Variants in ZC3H7B observed in about 807,000 individuals in gnomAD.
ZC3H7B encodes zinc finger CCCH-type containing 7B, also known as zinc finger CCCH domain-containing protein 7B.
Under a neutral mutation model 116.0 loss-of-function variants are expected in ZC3H7B, and 35 were observed. The observed-to-expected ratio is 0.30, with a 90% CI of 0.23 to 0.40. The LOEUF (loss-of-function observed/expected upper bound fraction) is 0.40, where lower values mean the gene tolerates loss of function less well. Among genes scored for constraint, ZC3H7B ranks in the 10% least tolerant of loss-of-function variants. The probability of loss-of-function intolerance (pLI) is 1.00; values close to 1 mark genes in which losing one functional copy is unlikely to be tolerated. For synonymous variants in ZC3H7B, 502 were observed against 545.6 expected, an observed-to-expected ratio of 0.92 and a Z score of 1.11; for missense variants, 1,011 against 1,321.5, an observed-to-expected ratio of 0.77 and a Z score of 3.64.
chr22:41,303,261 T>C (rs1011714645), intron 1 of ZC3H7B, among the ~76,000 whole-genome samples: 1 of 151,850 alleles, frequency 6.6e-6, no homozygotes, highest in Non-Finnish European at 1.5e-5. Flanking sequence ...CCAGGAGGGA[T>C]GAGATCTGAG....
intron 11 of ZC3H7B, 116 bp from the exon 12 acceptor site, chr22:41,342,413 G>A (rs1350386849): frequency 2.2e-6 from 2 of 893,574 alleles, no homozygotes; most frequent in Non-Finnish European, 3.5e-6. Context: ...CTGTGGTTTT[G>A]CTCTTGGGTA....
intron 1 of ZC3H7B, among the ~76,000 whole-genome samples, chr22:41,319,056 G>A (rs1388920307): frequency 6.6e-6 from 1 of 152,062 alleles, no homozygotes; most frequent in Non-Finnish European, 1.5e-5. Context: ...ATCACTTGAG[G>A]TCAGGCGTTT....
Position 41,302,210 on chromosome 22 carries a change from G to GC in ZC3H7B, c.-7+444dup, listed in dbSNP as rs1299058133. Among the ~76,000 whole-genome samples, 1 of 151,952 alleles carries GC rather than the reference G, an allele frequency of 6.6e-6. No individual in the cohort carries two copies. Among genetic ancestry groups the GC allele is most frequent in the African/African-American group, 2.4e-5 (1 of 41,412 alleles). Reference sequence around the variant, plus strand: ...GGCTGGCAGGGGCGTCGCTGGCAGGGCCCCCCTTCCTTTTGTGTTGTCCTT... The same window carrying GC: ...GGCTGGCAGGGGCGTCGCTGGCAGGGCCCCCCCTTCCTTTTGTGTTGTCCTT... On this transcript the variant is annotated intron_variant, in intron 1 of 22. Transcript: ENST00000352645. This position sits in a 1 kb window ranked among gnomAD's most constrained non-coding sequence, Gnocchi z 5.7.
At position 41,327,422 on chromosome 22, in the gene ZC3H7B, C is replaced by T; in HGVS notation, c.444+58C>T. On this transcript the variant is annotated intron_variant, in intron 5 of 22. Coordinates refer to ENST00000352645, the MANE Select transcript of ZC3H7B (RefSeq NM_017590.6). This position sits in a 1 kb window ranked among gnomAD's most constrained non-coding sequence, Gnocchi z 4.5. ...GCTCAGAGGCCAGGCTTCTGACCTTCCGGCCCTCACTTGGGCCCAGCCACC... is the reference window on the plus strand; with the variant it reads ...GCTCAGAGGCCAGGCTTCTGACCTTTCGGCCCTCACTTGGGCCCAGCCACC... 6.3e-7 allele frequency: 1 copy of T among 1,580,428 alleles called. No homozygotes were observed. The highest frequency in any genetic ancestry group is 1.7e-5 in the Admixed American group (1 of 58,822).
At chr22:41,340,502 C>T (rs1392538380) in intron 10 of ZC3H7B, among the ~76,000 whole-genome samples, 1 of 152,082 alleles carries the variant, frequency 6.6e-6, no homozygotes, top group Non-Finnish European at 1.5e-5. Flanking sequence ...CCCACTGCAC[C>T]ACTCTGGGCT....
intron 2 of ZC3H7B, among the ~76,000 whole-genome samples, chr22:41,321,571 A>T (rs923225652): frequency 6.6e-6 from 1 of 151,088 alleles, no homozygotes; most frequent in Non-Finnish European, 1.5e-5. Flanking sequence ...GGCTGGTCTC[A>T]AACTCCTGGG....
chr22:41,346,244 A>G lies in ZC3H7B; in HGVS notation c.1665+36A>G, dbSNP rs762048951. 24 of 1,593,892 alleles carry G rather than the reference A, an allele frequency of 1.5e-5. No individual in the cohort carries two copies. In the East Asian group the frequency reaches 5.2e-4, roughly 34 times the overall value. On this transcript the variant is annotated intron_variant, in intron 14 of 22. Transcript: ENST00000352645. The surrounding 1 kb of genome is among the most constrained non-coding windows in gnomAD (Gnocchi z 5.3). Reference sequence around the variant, plus strand: ...CCCACCCACTGCCACCCCATAGGCCATGGCACAGACAGGGCTGGGGATGCT... The same window carrying G: ...CCCACCCACTGCCACCCCATAGGCCGTGGCACAGACAGGGCTGGGGATGCT...
Position 41,351,662 on chromosome 22 carries a change from A to G in ZC3H7B, c.2034+16A>G. 3.7e-6 allele frequency: 6 copies of G among 1,610,412 alleles called. No homozygotes were observed. The highest frequency in any genetic ancestry group is 1.1e-5 in the South Asian group (1 of 90,084). ...CAGCAGCATGGTAAGGCCTTCTGATACTATGCCATTATTCAGATTTTGTGA... is the reference window on the plus strand; with the variant it reads ...CAGCAGCATGGTAAGGCCTTCTGATGCTATGCCATTATTCAGATTTTGTGA... On this transcript the variant is annotated intron_variant, in intron 17 of 22. Transcript: ENST00000352645. The surrounding 1 kb of genome is among the most constrained non-coding windows in gnomAD (Gnocchi z 5.1).
chr22:41,314,679 G>A (rs1205933575), intron 1 of ZC3H7B, among the ~76,000 whole-genome samples: 1 of 147,124 alleles, frequency 6.8e-6, no homozygotes, highest in South Asian at 2.2e-4. Flanking sequence ...GCACGATCTC[G>A]GCTCACTGCA....
rs566549578 is a variant in ZC3H7B, at chr22:41,357,587, G to A, written c.*158G>A. On this transcript the variant is annotated 3_prime_UTR_variant, in exon 23 of 23. Coordinates refer to ENST00000352645, the MANE Select transcript of ZC3H7B (RefSeq NM_017590.6). This position sits in a 1 kb window ranked among gnomAD's most constrained non-coding sequence, Gnocchi z 5.4. ...CCCTGTCCATCTTCTCCCCACCACC[G>A]CCCCGGTGTGCGTACCCAGGCGCAC... The A allele has an allele frequency of 9.1e-5, 95 of 1,041,926 alleles. No individual in the cohort carries two copies. Among genetic ancestry groups the A allele is most frequent in the African/African-American group, 1.3e-4 (8 of 61,370 alleles). 64.5% of individuals were successfully genotyped at this position (1,041,926 alleles called of 1,614,324 possible).
chr22:41,340,363 C>T (rs929726485), intron 10 of ZC3H7B, among the ~76,000 whole-genome samples: 1 of 151,962 alleles, frequency 6.6e-6, no homozygotes, highest in South Asian at 2.1e-4. Context: ...AGGAGAGCTG[C>T]GACAGTCCAG....
At chr22:41,313,700 C>T (rs1244236833) in intron 1 of ZC3H7B, among the ~76,000 whole-genome samples, 2 of 152,106 alleles carry the variant, frequency 1.3e-5, no homozygotes, top group Non-Finnish European at 1.5e-5. Context: ...TTTCTTTTCA[C>T]CTTAGTCTCA....
chr22:41,356,339 C>CCAGT lies in ZC3H7B; in HGVS notation c.2384-2_2385dup. 6.2e-7 allele frequency: 1 copy of CCAGT among 1,614,044 alleles called. No homozygotes were observed. The highest frequency in any genetic ancestry group is 8.5e-7 in the Non-Finnish European group (1 of 1,180,000). On this transcript the variant is annotated splice_region_variant and splice_polypyrimidine_tract_variant and intron_variant, in intron 20 of 22. Transcript: ENST00000352645. ...CAGGTGCCCTGTCCCTGTCCCCTGCCCAGTCCTGGACATGCAGCAGACCTA... is the reference window on the plus strand; with the variant it reads ...CAGGTGCCCTGTCCCTGTCCCCTGCCCAGTCAGTCCTGGACATGCAGCAGACCTA...
chr22:41,348,164 A>G lies in ZC3H7B; in HGVS notation c.1763A>G (p.Asn588Ser). The G allele has an allele frequency of 6.2e-7, 1 of 1,612,596 alleles. No individual in the cohort carries two copies. Among genetic ancestry groups the G allele is most frequent in the South Asian group, 1.1e-5 (1 of 91,044 alleles). ...NLAAKHSFYN[N>S]KCLVHIVRST... ...GCTGCCAAGCACAGCTTCTACAACA[A>G]CAAGTGAGTGGGACCCTCAGCCCAG... Residue 588 changes from asparagine to serine, a missense_variant, in exon 15 of 23, where the codon AAC becomes AGC. This residue lies in a region of ZC3H7B where 406 missense variants were observed against 590.2 expected (regional missense o/e 0.69). Coordinates refer to ENST00000352645, the MANE Select transcript of ZC3H7B (RefSeq NM_017590.6).
chr22:41,322,081 C>T (rs892368846), intron 2 of ZC3H7B, among the ~76,000 whole-genome samples: 16 of 148,812 alleles, frequency 1.1e-4, no homozygotes, highest in African/African-American at 2.2e-4. Flanking sequence ...CCTCGTGATC[C>T]GCCCGCCTCG....
At chr22:41,317,418 C>A (rs926187321) in intron 1 of ZC3H7B, among the ~76,000 whole-genome samples, 2 of 152,116 alleles carry the variant, frequency 1.3e-5, no homozygotes, top group African/African-American at 4.8e-5. Context: ...TGGGCCCTGT[C>A]TCCAAATATA....
At chr22:41,323,625 A>G (rs550181666) in intron 2 of ZC3H7B, among the ~76,000 whole-genome samples, 80 of 152,346 alleles carry the variant, frequency 5.3e-4, no homozygotes, top group Non-Finnish European at 9.1e-4. Flanking sequence ...CAGGAAGCAC[A>G]GTGGGACTCA....
In ZC3H7B at chr22:41,343,447, G is replaced by A. The variant is rs73416822; in HGVS notation, c.1330G>A (p.Gly444Ser). The A allele has an allele frequency of 6.6e-3, 10,682 of 1,613,606 alleles. 469 individuals are homozygous for A. In the African/African-American group the frequency reaches 0.11, roughly 16 times the overall value. The part of the protein sequence containing the change: ...PRAGDYTYRE[G>S]LEHKCKRDIL... Reference sequence around the variant, plus strand: ...GGCTGGCGACTACACCTACCGTGAGGGCCTTGAGCACAAGTGCAAGCGGGA... The same window carrying A: ...GGCTGGCGACTACACCTACCGTGAGAGCCTTGAGCACAAGTGCAAGCGGGA... The change falls in exon 13 of 23, where the codon GGC becomes AGC. Residue 444 changes from glycine (G) to serine (S), a missense_variant. Transcript: ENST00000352645.
In ZC3H7B at chr22:41,337,941, C is replaced by T. The variant is rs142627335; in HGVS notation, c.583-372C>T. On this transcript the variant is annotated intron_variant, in intron 7 of 22. Coordinates refer to ENST00000352645, the MANE Select transcript of ZC3H7B (RefSeq NM_017590.6). ...GGAGTATAGTGGCATGATCTCGGCT[C>T]ACTGCAACATCCACCTCCTGGGTTC... Among the ~76,000 whole-genome samples, 15 of 151,266 alleles carry T rather than the reference C, an allele frequency of 9.9e-5. No individual in the cohort carries two copies. The East Asian group carries it at 2.7e-3, about 28-fold the overall frequency.
Sources: gnomAD v4.1 joint callset for allele counts (sites outside exome capture counted in the v4.1 genomes callset) on GRCh38, gnomAD v4.1.1 for gene constraint, gnomAD v4.1.1 regional missense constraint, Gnocchi (gnomAD v3.1) non-coding constraint, MANE v1.5 for transcripts, NCBI Gene and HGNC (gene_info 2026-07-23, HGNC 2026-07-21) for gene names.